IL33: variants seen among roughly 807,000 people sequenced by gnomAD.
IL33 encodes interleukin-33.
IL33 carries 37 observed loss-of-function variants against 27.3 expected under a neutral mutation model. That is an observed-to-expected ratio of 1.36 (90% CI 1.04 to 1.78). The LOEUF is 1.78. Ranked by LOEUF, IL33 falls within the 40% of genes most tolerant of loss-of-function variation. The pLI is 0.00. For missense variants in IL33, 406 were observed against 311.4 expected (o/e 1.30, Z -2.29); for synonymous variants, 132 against 102.9 (o/e 1.28, Z -1.71).
rs369286450 is a variant in IL33, at chr9:6,256,193, G to C, written c.*25G>C. ...GTTGATGGAAACCTGTGAGTCTTGG[G>C]TTGAGTACCCAAATGCTACCACTGG... On this transcript the variant is annotated 3_prime_UTR_variant, in exon 8 of 8. Transcript: ENST00000682010. 1 of 1,543,648 alleles carries C rather than the reference G, an allele frequency of 6.5e-7. No individual in the cohort carries two copies. The highest frequency in any genetic ancestry group is 1.1e-5 in the South Asian group (1 of 89,192).
intron 1 of IL33, among the ~76,000 whole-genome samples, chr9:6,216,647 C>A (rs1267151431): frequency 6.6e-6 from 1 of 152,092 alleles, no homozygotes; most frequent in African/African-American, 2.4e-5. Context: ...ACTCGGGAGG[C>A]TAAGGCAGGA....
chr9:6,248,243 T>TTC (rs1819989781), intron 2 of IL33, among the ~76,000 whole-genome samples: 2 of 3,510 alleles, frequency 5.7e-4, no homozygotes, highest in African/African-American at 1.7e-3. Context: ...TTCTTTTCTT[T>TTC]TTTTTTTTTT....
intron 1 of IL33, among the ~76,000 whole-genome samples, chr9:6,222,313 G>T (rs1297480148): frequency 6.6e-6 from 1 of 152,178 alleles, no homozygotes; most frequent in East Asian, 1.9e-4. Flanking sequence ...AAAATCTCAT[G>T]CTTTCTACCC....
chr9:6,241,267 A>G (rs1211008718), intron 1 of IL33, among the ~76,000 whole-genome samples: 1 of 152,254 alleles, frequency 6.6e-6, no homozygotes, highest in Non-Finnish European at 1.5e-5. Flanking sequence ...CCAGTAACAT[A>G]GTCATTTGTT....
intron 3 of IL33, 111 bp downstream of exon 3, chr9:6,250,710 A>T: frequency 7.9e-7 from 1 of 1,266,832 alleles, no homozygotes; most frequent in Non-Finnish European, 1.1e-6. Flanking sequence ...CTTTTGGAAA[A>T]TATTAAGAAT....
rs200800717 is a variant in IL33, at chr9:6,255,953, C to G, written c.613-15C>G. The G allele has an allele frequency of 6.2e-7, 1 of 1,610,926 alleles. No homozygotes were observed. The highest frequency in any genetic ancestry group is 8.5e-7 in the Non-Finnish European group (1 of 1,177,388). On this transcript the variant is annotated splice_polypyrimidine_tract_variant and intron_variant, in intron 7 of 7. Transcript: ENST00000682010. ...CCCATTCACATATGGATTGCTTTCT[C>G]TCTTGTTTCCTCAGCTCCATAAGTG...
intron 7 of IL33, among the ~76,000 whole-genome samples, chr9:6,255,148 T>A (rs368822830): frequency 2.0e-5 from 3 of 152,148 alleles, no homozygotes; most frequent in East Asian, 3.8e-4. Flanking sequence ...AATGGCATTA[T>A]TACATTGGTC....
In IL33 at chr9:6,241,748, G is replaced by A. The variant is rs764581404; in HGVS notation, c.54G>A (p.Lys18=). The change falls in exon 2 of 8, where the codon AAG becomes AAA. Residue 18 remains lysine (K), a synonymous_variant. Transcript: ENST00000682010. ...STNKISTAKW[K]NTASKALCFK... ...ACAAAATTTCCACAGCAAAGTGGAA[G>A]AACACAGCAAGCAAAGCCTTGTGTT... 3.1e-6 allele frequency: 5 copies of A among 1,611,742 alleles called. No homozygotes were observed. In the South Asian group the frequency reaches 4.4e-5, roughly 14 times the overall value.
At chr9:6,229,524 T>C (rs775174063) in intron 1 of IL33, among the ~76,000 whole-genome samples, 3 of 152,218 alleles carry the variant, frequency 2.0e-5, no homozygotes, top group Non-Finnish European at 2.9e-5. Flanking sequence ...CATTTAAGAC[T>C]GTCATTTCTG....
Position 6,256,249 on chromosome 9 carries a change from G to T in IL33, c.*81G>T. 9.9e-7 allele frequency: 1 copy of T among 1,006,630 alleles called. No individual in the cohort carries two copies. Among genetic ancestry groups the T allele is most frequent in the Admixed American group, 1.9e-5 (1 of 52,596 alleles). The allele number at this position is 1,006,630 out of a possible 1,614,324, so 62.4% of individuals were successfully genotyped here. A position where few individuals can be genotyped will look rare whatever the true frequency, so the allele number is the denominator to read the frequency against. ...GAATGAGAGATAAAGAAAGAGACAG[G>T]TGACATCTAAGGGAAATGAAGAGTG... On this transcript the variant is annotated 3_prime_UTR_variant, in exon 8 of 8. Coordinates refer to ENST00000682010, the MANE Select transcript of IL33 (RefSeq NM_033439.4).
chr9:6,215,583 T>A (rs895806491), upstream of IL33, among the ~76,000 whole-genome samples: 2 of 152,204 alleles, frequency 1.3e-5, no homozygotes, highest in African/African-American at 4.8e-5. Context: ...AACATAAAGT[T>A]TAGGGGCAGA....
chr9:6,246,856 T>C (rs1487003051), intron 2 of IL33, among the ~76,000 whole-genome samples: 1 of 152,168 alleles, frequency 6.6e-6, no homozygotes, highest in Non-Finnish European at 1.5e-5. Context: ...CAAATAAAAC[T>C]CTTTTCTTTA....
At chr9:6,251,058 C>G in intron 3 of IL33, 82 bp from the exon 4 acceptor site, 1 of 1,535,942 alleles carries the variant, frequency 6.5e-7, no homozygotes, top group Non-Finnish European at 8.8e-7. Context: ...TCTCAGCAAG[C>G]AGCCTTAACT....
rs548861560 is a variant in IL33, at chr9:6,253,091, A to G, written c.469+100A>G. The G allele has an allele frequency of 4.8e-6, 4 of 835,668 alleles. No homozygotes were observed. The East Asian group carries it at 1.1e-4, about 23-fold the overall frequency. The allele number at this position is 835,668 out of a possible 1,614,324, so 51.8% of individuals were successfully genotyped here. The stretch of plus-strand genomic sequence containing the variant: ...CTTTAAACAATGGATTAACTTAGAC[A>G]TGGCAAACAGGTCATGCTGTGTGCT... On this transcript the variant is annotated intron_variant, in intron 5 of 7. Coordinates refer to ENST00000682010, the MANE Select transcript of IL33 (RefSeq NM_033439.4).
intron 2 of IL33, among the ~76,000 whole-genome samples, chr9:6,244,096 A>G (rs1819690270): frequency 6.6e-6 from 1 of 152,202 alleles, no homozygotes; most frequent in African/African-American, 2.4e-5. Context: ...GGCTCTTTAT[A>G]GAAACTGGAA....
rs183218942 is a variant in IL33, at chr9:6,232,687, A to G, written c.-11-8997A>G. On this transcript the variant is annotated intron_variant, in intron 1 of 7. Coordinates refer to ENST00000682010, the MANE Select transcript of IL33 (RefSeq NM_033439.4). The stretch of plus-strand genomic sequence containing the variant: ...TAACCCCATCCCCAACCCTGGGCCC[A>G]ACTACTTAAACTAATCTCTTTCCTT... 7.9e-5 allele frequency among the ~76,000 whole-genome samples: 12 copies of G among 152,240 alleles called. No individual in the cohort carries two copies. In the East Asian group the frequency reaches 2.3e-3, roughly 29 times the overall value.
intron 1 of IL33, among the ~76,000 whole-genome samples, chr9:6,240,479 C>T (rs769848912): frequency 3.3e-5 from 5 of 152,002 alleles, no homozygotes; most frequent in Non-Finnish European, 5.9e-5. Flanking sequence ...TTGTAGGCTT[C>T]AGAGAGAATA....
intron 2 of IL33, among the ~76,000 whole-genome samples, chr9:6,247,897 C>A (rs1034552057): frequency 1.3e-5 from 2 of 151,890 alleles, no homozygotes; most frequent in African/African-American, 4.8e-5. Flanking sequence ...TGCTAGCCCC[C>A]ACATGTACAT....
At chr9:6,215,166 TGGAGAG>T (rs1818087949), upstream of IL33, among the ~76,000 whole-genome samples, 1 of 152,050 alleles carries the variant, frequency 6.6e-6, no homozygotes, top group Non-Finnish European at 1.5e-5. Flanking sequence ...CCAAACGAGA[TGGAGAG>T]AGGGTGAGTA....
Sources: gnomAD v4.1 joint callset for allele counts (sites outside exome capture counted in the v4.1 genomes callset) on GRCh38, gnomAD v4.1.1 for gene constraint, MANE v1.5 for transcripts, NCBI Gene and HGNC (gene_info 2026-07-23, HGNC 2026-07-21) for gene names.